Variants in ASPA observed in about 807,000 individuals in gnomAD.
ASPA encodes ACY-2.
In ASPA, 25 loss-of-function variants were observed where a neutral mutation model predicts 29.6. The observed-to-expected ratio is 0.85, with a 90% CI of 0.62 to 1.18. The LOEUF is 1.18. ASPA is among the 50% of genes most tolerant of loss of function. ASPA has a pLI of 0.00. For missense variants in ASPA, 333 were observed against 385.7 expected (o/e 0.86, Z 1.14); for synonymous variants, 131 against 130.3 (o/e 1.01, Z -0.04).
Position 3,494,355 on chromosome 17 carries a change from G to T in ASPA, c.640G>T (p.Glu214Ter), listed in dbSNP as rs1057516416. The change falls in exon 5 of 6, where the codon GAA (glutamate) becomes TAA (stop). Residue 214 changes from glutamate to a stop codon, truncating the protein, a stop_gained. Transcript: ENST00000263080. LOFTEE classifies it high-confidence loss of function. Reference protein sequence around the residue: ...DFIHHFNEGKEFPPCAIEVYK... With the variant: ...DFIHHFNEGK ...ACATATTGTTTTTGTCATAGGAAAA[G>T]AATTTCCTCCCTGCGCCATTGAGGT... 1 of 1,606,016 alleles carries T rather than the reference G, an allele frequency of 6.2e-7. No homozygotes were observed. The highest frequency in any genetic ancestry group is 8.5e-7 in the Non-Finnish European group (1 of 1,172,622).
intron 1 of ASPA, among the ~76,000 whole-genome samples, chr17:3,476,810 C>T (rs750692113): frequency 5.3e-5 from 8 of 152,148 alleles, no homozygotes; most frequent in Non-Finnish European, 7.3e-5. Context: ...ACTATGCTTA[C>T]GGTAATGCAT....
chr17:3,480,554 T>C (rs1211527487), intron 1 of ASPA, among the ~76,000 whole-genome samples: 1 of 152,168 alleles, frequency 6.6e-6, no homozygotes, highest in Non-Finnish European at 1.5e-5. Context: ...TTACAAAATA[T>C]CTCAAGCCCT....
In ASPA at chr17:3,499,447, CTGTACT is replaced by C. The variant is rs5818897; in HGVS notation, c.*367_*372del. 148,744 of 155,974 alleles carry C rather than the reference CTGTACT, an allele frequency of 0.95. 71,308 individuals carry two copies. The highest frequency in any genetic ancestry group is 1 in the East Asian group (5,410 of 5,410). 9.7% of individuals were successfully genotyped at this position (155,974 alleles called of 1,614,324 possible). On this transcript the variant is annotated 3_prime_UTR_variant, in exon 6 of 6. Transcript: ENST00000263080. ...TTTGCCTTACTACACTTCACGGATA[CTGTACT>C]TGTACTTTTTTTCCAAATTGAAGGT...
chr17:3,481,607 A>G lies in ASPA; in HGVS notation c.241A>G (p.Lys81Glu), dbSNP rs748350846. 5.6e-6 allele frequency: 9 copies of G among 1,613,256 alleles called. No individual in the cohort carries two copies. The South Asian group carries it at 6.6e-5, about 12-fold the overall frequency. The change falls in exon 2 of 6, where the codon AAA (lysine) becomes GAA (glutamate). Residue 81 changes from lysine (K) to glutamate (E), a missense_variant. Coordinates refer to ENST00000263080, the MANE Select transcript of ASPA (RefSeq NM_000049.4). ...TTTTCTTTCTGCTTATAACAGCAAA[A>G]AAATGTCAGAAGATTTGCCATATGA... ...RIFDLENLGK[K>E]MSEDLPYEVR... is the part of the protein sequence containing the mutation.
At chr17:3,478,945 A>T (rs73977736) in intron 1 of ASPA, among the ~76,000 whole-genome samples, 2,897 of 152,202 alleles carry the variant, frequency 0.019, 96 homozygotes, top group African/African-American at 0.065. Flanking sequence ...CTTCCTCTCC[A>T]GTTTTACTAC....
At chr17:3,477,875 A>C (rs2073554459) in intron 1 of ASPA, among the ~76,000 whole-genome samples, 1 of 152,038 alleles carries the variant, frequency 6.6e-6, no homozygotes, top group African/African-American at 2.4e-5. Flanking sequence ...GAGTTGGTAG[A>C]CTACTAGCTA....
At position 3,490,962 on chromosome 17, in the gene ASPA, G is replaced by A. The variant is rs973773078; in HGVS notation, c.634+1620G>A. On this transcript the variant is annotated intron_variant, in intron 4 of 5. Transcript: ENST00000263080. The surrounding 1 kb of genome is among the most constrained non-coding windows in gnomAD (Gnocchi z 4.6). Reference sequence around the variant, plus strand: ...AAAATTGTCAACCACGATTAATTTAGACTATCCAGCTTGGTGGATTTTCAA... The same window carrying A: ...AAAATTGTCAACCACGATTAATTTAAACTATCCAGCTTGGTGGATTTTCAA... Among the ~76,000 whole-genome samples the A allele has an allele frequency of 7.9e-5, 12 of 152,118 alleles. No individual in the cohort carries two copies. Among genetic ancestry groups the A allele is most frequent in the African/African-American group, 2.9e-4 (12 of 41,430 alleles).
At chr17:3,492,931 T>C (rs1161265299) in intron 4 of ASPA, among the ~76,000 whole-genome samples, 1 of 152,164 alleles carries the variant, frequency 6.6e-6, no homozygotes, top group Non-Finnish European at 1.5e-5. Context: ...GAGGTGGTTG[T>C]TTGAAGCCAC....
chr17:3,475,815 A>G (rs1240246237), upstream of ASPA, among the ~76,000 whole-genome samples: 1 of 152,232 alleles, frequency 6.6e-6, no homozygotes, highest in African/African-American at 2.4e-5. Flanking sequence ...CTAGCTGAGG[A>G]AAAGAATGGA....
intron 3 of ASPA, among the ~76,000 whole-genome samples, chr17:3,487,375 A>G (rs1430968361): frequency 6.6e-6 from 1 of 152,210 alleles, no homozygotes; most frequent in Non-Finnish European, 1.5e-5. Context: ...TAACATTTCT[A>G]ATTATTTACA....
At position 3,497,292 on chromosome 17, in the gene ASPA, G is replaced by C. The variant is rs531627130; in HGVS notation, c.745-1599G>C. ...GCAAGTCTCTGCCTGAAAAACCACC[G>C]GTTCAGAGAAATAGTTCTCAGCCGA... On this transcript the variant is annotated intron_variant, in intron 5 of 5. Transcript: ENST00000263080. 5.9e-5 allele frequency among the ~76,000 whole-genome samples: 9 copies of C among 152,222 alleles called. No individual in the cohort carries two copies. The East Asian group carries it at 1.5e-3, about 26-fold the overall frequency.
chr17:3,483,648 A>G, intron 3 of ASPA, 56 bp downstream of exon 3: 1 of 1,466,550 alleles, frequency 6.8e-7, no homozygotes, highest in Non-Finnish European at 9.6e-7. Context: ...GCTGAAACTC[A>G]GAGAAATTTA....
chr17:3,494,316 T>C (rs371270105), intron 4 of ASPA, 34 bp from the exon 5 acceptor site: 24 of 1,515,310 alleles, frequency 1.6e-5, no homozygotes, highest in Non-Finnish European at 1.9e-5. Context: ...GAGATGTTTT[T>C]AGTTGCCATT....
At chr17:3,481,571 G>A (rs376344680) in intron 1 of ASPA, 32 bp from the exon 2 acceptor site, 167 of 1,581,994 alleles carry the variant, frequency 1.1e-4, no homozygotes, top group Non-Finnish European at 1.4e-4. Context: ...AGGCACAGAT[G>A]TTGTTCATCT....
rs111890173 is a variant in ASPA at position 3,488,919 on chromosome 17, T to C, written c.527-316T>C. Among the ~76,000 whole-genome samples the C allele has an allele frequency of 5.9e-5, 9 of 152,340 alleles. No individual in the cohort carries two copies. The South Asian group carries it at 1.7e-3, about 28-fold the overall frequency. On this transcript the variant is annotated intron_variant, in intron 3 of 5. Coordinates refer to ENST00000263080, the MANE Select transcript of ASPA (RefSeq NM_000049.4). The surrounding 1 kb of genome is among the most constrained non-coding windows in gnomAD (Gnocchi z 6.1). Reference sequence around the variant, plus strand: ...CTTGTTCACCTTTTTTACTATGTTATGACTTTTAAATATTTTAGCAATACT... The same window carrying C: ...CTTGTTCACCTTTTTTACTATGTTACGACTTTTAAATATTTTAGCAATACT...
intron 5 of ASPA, among the ~76,000 whole-genome samples, chr17:3,496,794 C>A (rs62071300): frequency 6.6e-6 from 1 of 152,124 alleles, no homozygotes; most frequent in African/African-American, 2.4e-5. Context: ...TGGCCAGGAG[C>A]GGTGGCTCAC....
At chr17:3,491,430 T>A (rs1461987215) in intron 4 of ASPA, among the ~76,000 whole-genome samples, 1 of 152,132 alleles carries the variant, frequency 6.6e-6, no homozygotes, top group South Asian at 2.1e-4. Context: ...TTGAGAATGT[T>A]GAAGAGCTTG....
In ASPA at chr17:3,490,007, A is replaced by G. The variant is rs1326368705; in HGVS notation, c.634+665A>G. Among the ~76,000 whole-genome samples, 1 of 152,206 alleles carries G rather than the reference A, an allele frequency of 6.6e-6. No individual in the cohort carries two copies. The highest frequency in any genetic ancestry group is 2.4e-5 in the African/African-American group (1 of 41,456). On this transcript the variant is annotated intron_variant, in intron 4 of 5. Coordinates refer to ENST00000263080, the MANE Select transcript of ASPA (RefSeq NM_000049.4). The surrounding 1 kb of genome is among the most constrained non-coding windows in gnomAD (Gnocchi z 4.6). ...AACATGGAAGAATCTTCAAAACACA[A>G]TGGTAATTAGCAGAAAGCAAGTTGC...
At chr17:3,492,858 C>T (rs917389293) in intron 4 of ASPA, among the ~76,000 whole-genome samples, 2 of 152,156 alleles carry the variant, frequency 1.3e-5, no homozygotes, top group Admixed American at 6.6e-5. Context: ...AAAAAAAATC[C>T]ACAAAGCCAG....
Sources: gnomAD v4.1 joint callset for allele counts (sites outside exome capture counted in the v4.1 genomes callset) on GRCh38, gnomAD v4.1.1 for gene constraint, Gnocchi (gnomAD v3.1) non-coding constraint, MANE v1.5 for transcripts, NCBI Gene and HGNC (gene_info 2026-07-23, HGNC 2026-07-21) for gene names.